SDK1: variants seen among roughly 807,000 people sequenced by gnomAD.
The protein encoded by SDK1 is sidekick cell adhesion molecule 1, also known as protein sidekick-1.
SDK1 carries 157 observed loss-of-function variants against 245.5 expected under a neutral mutation model. That is an observed-to-expected ratio of 0.64 (90% CI 0.56 to 0.73). The LOEUF (loss-of-function observed/expected upper bound fraction) is 0.73. Ranked by LOEUF, SDK1 falls within the 30% of genes least tolerant of loss-of-function variation. The pLI, the probability that SDK1 is intolerant of heterozygous loss-of-function variation, is 0.00. For missense variants in SDK1, 3,583 were observed against 3,002.3 expected (o/e 1.19, Z -4.52); for synonymous variants, 1,647 against 1,278.5 (o/e 1.29, Z -6.15).
At chr7:3,575,513 C>T (rs983593067) in intron 1 of SDK1, among the ~76,000 whole-genome samples, 12 of 151,898 alleles carry the variant, frequency 7.9e-5, no homozygotes, top group Non-Finnish European at 1.6e-4. Flanking sequence ...TGCATTTTAA[C>T]ATTTTCGGGT....
chr7:4,105,459 A>C (rs1782840351), intron 22 of SDK1, among the ~76,000 whole-genome samples: 1 of 151,714 alleles, frequency 6.6e-6, no homozygotes, highest in African/African-American at 2.4e-5. Flanking sequence ...GGCACGTGCC[A>C]CCACACCCAG....
intron 20 of SDK1, among the ~76,000 whole-genome samples, chr7:4,075,902 C>A (rs1007627809): frequency 6.6e-6 from 1 of 152,118 alleles, no homozygotes; most frequent in Non-Finnish European, 1.5e-5. Context: ...GTCCACCCGC[C>A]TTGGCCTCCC....
intron 22 of SDK1, among the ~76,000 whole-genome samples, chr7:4,081,669 C>T (rs749674401): frequency 2.6e-5 from 4 of 152,108 alleles, no homozygotes; most frequent in Admixed American, 6.5e-5. Context: ...CCGCCTGCCT[C>T]GGCCTCCCAA....
intron 1 of SDK1, among the ~76,000 whole-genome samples, chr7:3,347,707 A>C (rs1780545999): frequency 6.6e-6 from 1 of 152,108 alleles, no homozygotes; most frequent in Non-Finnish European, 1.5e-5. Flanking sequence ...CCCTCAGAGG[A>C]AGTTATGTTC....
intron 5 of SDK1, among the ~76,000 whole-genome samples, chr7:3,842,567 C>A (rs1423166814): frequency 6.6e-6 from 1 of 152,140 alleles, no homozygotes. Context: ...AGAAATCTGT[C>A]TGGAACCCAG....
intron 4 of SDK1, among the ~76,000 whole-genome samples, chr7:3,683,178 G>A (rs568149451): frequency 6.6e-5 from 10 of 152,200 alleles, no homozygotes; most frequent in East Asian, 1.9e-4. Flanking sequence ...TTGCTTTTTC[G>A]TCTGTCTTTT....
At chr7:4,121,402 A>T (rs1421261081) in intron 25 of SDK1, among the ~76,000 whole-genome samples, 1 of 152,150 alleles carries the variant, frequency 6.6e-6, no homozygotes, top group Non-Finnish European at 1.5e-5. Flanking sequence ...TGTTCTCATG[A>T]TAGTGAGTGA....
chr7:4,077,071 C>G lies in SDK1; in HGVS notation c.3084C>G (p.His1028Gln). ...CGCACACCCTGAACAGCACGACGCA[C>G]GAGTACAAGATCCAAGGCCTCTCAT... ...RLTHTLNSTTHEYKIQGLSSL... is the reference protein window; with the variant it reads ...RLTHTLNSTTQEYKIQGLSSL... The change falls in exon 21 of 45, where the codon CAC becomes CAG. Residue 1028 changes from histidine to glutamine, a missense_variant. Transcript: ENST00000404826. 1.2e-6 allele frequency: 2 copies of G among 1,614,184 alleles called. No homozygotes were observed. Among genetic ancestry groups the G allele is most frequent in the Non-Finnish European group, 1.7e-6 (2 of 1,180,028 alleles).
intron 1 of SDK1, among the ~76,000 whole-genome samples, chr7:3,597,247 G>T (rs536360122): frequency 6.9e-6 from 1 of 145,676 alleles, no homozygotes; most frequent in Non-Finnish European, 1.5e-5. Flanking sequence ...ACTCCAGCCT[G>T]GTCGACAGAG....
intron 4 of SDK1, among the ~76,000 whole-genome samples, chr7:3,733,297 A>G (rs1779230839): frequency 6.6e-6 from 1 of 152,232 alleles, no homozygotes; most frequent in African/African-American, 2.4e-5. Flanking sequence ...ATGGAAACAG[A>G]TACTATAATT....
intron 1 of SDK1, among the ~76,000 whole-genome samples, chr7:3,595,978 C>T (rs1197153522): frequency 3.4e-5 from 5 of 147,240 alleles, no homozygotes; most frequent in South Asian, 2.1e-4. Context: ...TAAGTCATAC[C>T]ATCTACCTGA....
chr7:3,842,577 G>C (rs1780185511), intron 5 of SDK1, among the ~76,000 whole-genome samples: 1 of 152,124 alleles, frequency 6.6e-6, no homozygotes, highest in Non-Finnish European at 1.5e-5. Flanking sequence ...CTGGAACCCA[G>C]GTGACTCGCC....
chr7:4,216,913 G>A lies in SDK1; in HGVS notation c.5540-3196G>A, dbSNP rs1052479809. Among the ~76,000 whole-genome samples the A allele has an allele frequency of 7.2e-5, 11 of 152,088 alleles. No homozygotes were observed. The East Asian group carries it at 7.7e-4, about 11-fold the overall frequency. ...CCCAGGGCCATCCCCAGCCATCCCCGTCACTCTAGGGAACACTCCTCGAAC... is the reference window on the plus strand; with the variant it reads ...CCCAGGGCCATCCCCAGCCATCCCCATCACTCTAGGGAACACTCCTCGAAC... On this transcript the variant is annotated intron_variant, in intron 38 of 44. Transcript: ENST00000404826.
chr7:3,564,755 T>G (rs766681744), intron 1 of SDK1, among the ~76,000 whole-genome samples: 1 of 152,052 alleles, frequency 6.6e-6, no homozygotes, highest in African/African-American at 2.4e-5. Flanking sequence ...TGAGAGAATT[T>G]TATGGTTGAG....
chr7:3,738,201 T>C (rs1192631809), intron 4 of SDK1, among the ~76,000 whole-genome samples: 1 of 152,234 alleles, frequency 6.6e-6, no homozygotes, highest in Non-Finnish European at 1.5e-5. Context: ...TAAATCTTTG[T>C]TCTGTTTTGA....
chr7:3,448,806 G>T (rs1452012948), intron 1 of SDK1, among the ~76,000 whole-genome samples: 2 of 152,074 alleles, frequency 1.3e-5, no homozygotes, highest in Non-Finnish European at 2.9e-5. Flanking sequence ...TTTCAGTAAG[G>T]TAATGACTTT....
At chr7:3,761,260 C>CTT (rs71029692) in intron 4 of SDK1, among the ~76,000 whole-genome samples, 15,560 of 93,456 alleles carry the variant, frequency 0.17, 1,679 homozygotes, top group Non-Finnish European at 0.21. Flanking sequence ...GCCCCCCCTC[C>CTT]TTTTTTTTTT....
intron 14 of SDK1, among the ~76,000 whole-genome samples, chr7:4,005,926 A>G (rs1374657251): frequency 1.3e-5 from 2 of 151,552 alleles, no homozygotes; most frequent in African/African-American, 2.4e-5. Context: ...AGCCTGGGGG[A>G]TGGAATGTAT....
In SDK1 at chr7:4,079,596, G is replaced by A. The variant is rs190776705; in HGVS notation, c.3324+12G>A. 71 of 1,613,922 alleles carry A rather than the reference G, an allele frequency of 4.4e-5. No individual in the cohort carries two copies. The highest frequency in any genetic ancestry group is 1.1e-4 in the East Asian group (5 of 44,870). ...TTGTTGAGGGGCAGGTACGTGTGTC[G>A]TTAGACTGGGAGCTGGCATTTGCGA... is the stretch of plus-strand genomic sequence containing the variant. On this transcript the variant is annotated intron_variant, in intron 22 of 44. Coordinates refer to ENST00000404826, the MANE Select transcript of SDK1 (RefSeq NM_152744.4).
Sources: allele counts gnomAD v4.1 joint callset (sites outside exome capture counted in the v4.1 genomes callset), GRCh38; gene constraint gnomAD v4.1.1; transcripts MANE v1.5; gene names NCBI Gene and HGNC (gene_info 2026-07-23, HGNC 2026-07-21).